EPHA6: variants seen among roughly 807,000 people sequenced by gnomAD.
The protein encoded by EPHA6 is ephrin type-A receptor 6.
Under a neutral mutation model 112.0 loss-of-function variants are expected in EPHA6, and 50 were observed. The ratio of observed to expected loss-of-function variants is 0.45; its 90% confidence interval spans 0.36 to 0.56. The LOEUF is 0.56. EPHA6 is among the 20% of genes least tolerant of loss of function. EPHA6 has a pLI of 0.00. For missense variants in EPHA6, 1,280 were observed against 1,417.4 expected (o/e 0.90, Z 1.56); for synonymous variants, 529 against 490.7 (o/e 1.08, Z -1.03).
intron 11 of EPHA6, among the ~76,000 whole-genome samples, chr3:97,557,262 A>G (rs2093124886): frequency 6.6e-6 from 1 of 151,994 alleles, no homozygotes; most frequent in Non-Finnish European, 1.5e-5. Context: ...ACTTAGCTGT[A>G]TCTGCTGGGT....
intron 14 of EPHA6, among the ~76,000 whole-genome samples, chr3:97,662,695 T>C (rs574691694): frequency 2.7e-4 from 41 of 152,348 alleles, no homozygotes; most frequent in African/African-American, 9.6e-4. Flanking sequence ...TTTTATGGCA[T>C]ACCCCTAGCA....
At chr3:96,831,575 T>TTTA (rs1230496422) in intron 1 of EPHA6, among the ~76,000 whole-genome samples, 2 of 151,814 alleles carry the variant, frequency 1.3e-5, no homozygotes, top group Non-Finnish European at 2.9e-5. Flanking sequence ...ATTCCTGTAT[T>TTTA]TTATTATTAT....
intron 14 of EPHA6, among the ~76,000 whole-genome samples, chr3:97,691,846 C>T (rs904774149): frequency 1.7e-4 from 26 of 152,150 alleles, no homozygotes; most frequent in Non-Finnish European, 2.5e-4. Context: ...AATTCTCTTT[C>T]GGCCCCTTCC....
At chr3:97,593,477 A>T (rs2093562636) in intron 12 of EPHA6, among the ~76,000 whole-genome samples, 1 of 152,196 alleles carries the variant, frequency 6.6e-6, no homozygotes, top group South Asian at 2.1e-4. Flanking sequence ...AGCAAAACAG[A>T]ATTCAAATAT....
intron 5 of EPHA6, among the ~76,000 whole-genome samples, chr3:97,289,221 G>A (rs956487170): frequency 6.6e-6 from 1 of 151,968 alleles, no homozygotes; most frequent in African/African-American, 2.4e-5. Flanking sequence ...TAGGTCTTAC[G>A]TTTAAATCTT....
intron 4 of EPHA6, among the ~76,000 whole-genome samples, chr3:97,235,830 T>C (rs1284848333): frequency 6.6e-6 from 1 of 152,124 alleles, no homozygotes; most frequent in East Asian, 1.9e-4. Context: ...CTTAATCCAG[T>C]TATTCCAGTT....
chr3:96,867,760 G>T (rs2036401652), intron 2 of EPHA6, among the ~76,000 whole-genome samples: 1 of 151,768 alleles, frequency 6.6e-6, no homozygotes, highest in Non-Finnish European at 1.5e-5. Flanking sequence ...CCTCAAAGGA[G>T]AAATTGATCC....
intron 3 of EPHA6, among the ~76,000 whole-genome samples, chr3:97,114,297 A>G (rs1303061991): frequency 1.3e-5 from 2 of 152,176 alleles, no homozygotes; most frequent in Non-Finnish European, 2.9e-5. Flanking sequence ...TTTAGTAACA[A>G]CAAATTACTA....
chr3:97,170,251 G>A (rs1408434625), intron 3 of EPHA6, among the ~76,000 whole-genome samples: 18 of 152,162 alleles, frequency 1.2e-4, no homozygotes, highest in Admixed American at 1.2e-3. Context: ...CAATGAGCAA[G>A]TTAAAATTGT....
chr3:97,369,572 C>T (rs2084934862), intron 5 of EPHA6, among the ~76,000 whole-genome samples: 1 of 152,126 alleles, frequency 6.6e-6, no homozygotes, highest in South Asian at 2.1e-4. Flanking sequence ...TCAGGGATGA[C>T]TGGTTTGGTA....
intron 6 of EPHA6, among the ~76,000 whole-genome samples, chr3:97,423,897 G>A (rs2088879406): frequency 6.6e-6 from 1 of 152,134 alleles, no homozygotes; most frequent in Non-Finnish European, 1.5e-5. Flanking sequence ...AACAAGTGAT[G>A]GGGAAAGGAC....
At chr3:97,614,501 A>ATT (rs35126699) in intron 13 of EPHA6, among the ~76,000 whole-genome samples, 1,157 of 98,054 alleles carry the variant, frequency 0.012, 15 homozygotes, top group African/African-American at 0.047. Context: ...CACCCAGCTA[A>ATT]TTTTTTTTTT....
rs1034309480 is a variant in EPHA6 at position 96,829,238 on chromosome 3, G to C, written c.385+14230G>C. Among the ~76,000 whole-genome samples the C allele has an allele frequency of 2.0e-5, 3 of 152,156 alleles. No homozygotes were observed. The South Asian group carries it at 6.2e-4, about 32-fold the overall frequency. On this transcript the variant is annotated intron_variant, in intron 1 of 17. Transcript: ENST00000389672. ...TGATGGGAGTAGAGGAGAATCATTC[G>C]TTTTATGTTTGGAAACTTAAAAGGG...
chr3:97,184,003 A>T (rs949195041), intron 3 of EPHA6, among the ~76,000 whole-genome samples: 1 of 152,156 alleles, frequency 6.6e-6, no homozygotes, highest in Admixed American at 6.6e-5. Context: ...CATCATTGAA[A>T]GTTCGATTGG....
intron 2 of EPHA6, among the ~76,000 whole-genome samples, chr3:96,909,982 G>C (rs907953652): frequency 6.6e-6 from 1 of 151,956 alleles, no homozygotes; most frequent in African/African-American, 2.4e-5. Flanking sequence ...CTGGCCATTT[G>C]TGCTTGCATA....
intron 5 of EPHA6, among the ~76,000 whole-genome samples, chr3:97,288,377 G>A (rs544812253): frequency 6.6e-6 from 1 of 152,202 alleles, no homozygotes; most frequent in South Asian, 2.1e-4. Flanking sequence ...TAGGATAATG[G>A]CCTCCAGCTG....
chr3:97,324,527 T>TCTTTCTC (rs1559884218), intron 5 of EPHA6, among the ~76,000 whole-genome samples: 3 of 141,910 alleles, frequency 2.1e-5, no homozygotes, highest in Non-Finnish European at 4.5e-5. Context: ...CTTTCTTTCT[T>TCTTTCTC]TCTTTCTCTC....
At chr3:97,299,183 A>ATGTGTGTGTGTGTG (rs34282025) in intron 5 of EPHA6, among the ~76,000 whole-genome samples, 2 of 144,512 alleles carry the variant, frequency 1.4e-5, no homozygotes, top group Non-Finnish European at 3.1e-5. Flanking sequence ...GATGATCAGG[A>ATGTGTGTGTGTGTG]TGTGTGTGTG....
intron 10 of EPHA6, among the ~76,000 whole-genome samples, chr3:97,503,631 T>C (rs1328814491): frequency 6.6e-6 from 1 of 152,150 alleles, no homozygotes; most frequent in Non-Finnish European, 1.5e-5. Flanking sequence ...TGGAGACATA[T>C]TTGGGAGATA....
Sources: gnomAD v4.1 joint callset for allele counts (sites outside exome capture counted in the v4.1 genomes callset) on GRCh38, gnomAD v4.1.1 for gene constraint, MANE v1.5 for transcripts, NCBI Gene and HGNC (gene_info 2026-07-23, HGNC 2026-07-21) for gene names.